The following PGS1 variants were observed in gnomAD, a reference collection of about 807,000 sequenced individuals.
The protein encoded by PGS1 is phosphatidylglycerophosphate synthase 1.
PGS1 carries 44 observed loss-of-function variants against 58.3 expected under a neutral mutation model. That is an observed-to-expected ratio of 0.75 (90% CI 0.59 to 0.97). The LOEUF is 0.97. PGS1 is among the 50% of genes least tolerant of loss of function. PGS1 has a pLI of 0.00. For missense variants in PGS1, 684 were observed against 731.1 expected, an observed-to-expected ratio of 0.94 and a Z score of 0.74; for synonymous variants, 330 against 311.0, an observed-to-expected ratio of 1.06 and a Z score of -0.64.
intron 1 of PGS1, among the ~76,000 whole-genome samples, chr17:78,391,349 G>T (rs930359009): frequency 2.0e-5 from 3 of 152,124 alleles, no homozygotes; most frequent in African/African-American, 4.8e-5. Flanking sequence ...ACAGGGTCTC[G>T]CTGTGCCACC....
intron 1 of PGS1, 121 bp from the exon 2 acceptor site, chr17:78,392,355 C>G (rs1332082153): frequency 3.2e-6 from 2 of 619,168 alleles, no homozygotes; most frequent in Non-Finnish European, 5.6e-6. Context: ...ATCTGACATT[C>G]ATAACACAAG....
At chr17:78,406,325 G>GAA (rs965429225) in intron 7 of PGS1, among the ~76,000 whole-genome samples, 1 of 147,854 alleles carries the variant, frequency 6.8e-6, no homozygotes, top group Non-Finnish European at 1.5e-5. Context: ...CTCAAAAAAA[G>GAA]AAAAAAAAAA....
chr17:78,419,403 C>T, intron 8 of PGS1, 143 bp from the exon 9 acceptor site: 1 of 705,466 alleles, frequency 1.4e-6, no homozygotes, highest in Non-Finnish European at 2.5e-6. Flanking sequence ...GCCACCAGAG[C>T]ACCCTGGGAA....
chr17:78,398,466 C>G, intron 4 of PGS1, 115 bp downstream of exon 4: 1 of 747,726 alleles, frequency 1.3e-6, no homozygotes, highest in Non-Finnish European at 2.3e-6. Context: ...TGAAGATCAT[C>G]CAAGCTGGCC....
intron 1 of PGS1, among the ~76,000 whole-genome samples, chr17:78,382,953 G>T (rs901823762): frequency 2.6e-5 from 4 of 151,830 alleles, no homozygotes; most frequent in African/African-American, 7.3e-5. Flanking sequence ...CCCACAGAAT[G>T]GCCTTGTTAC....
At chr17:78,423,273 A>AG (rs2086097149) in intron 9 of PGS1, among the ~76,000 whole-genome samples, 1 of 152,064 alleles carries the variant, frequency 6.6e-6, no homozygotes, top group Non-Finnish European at 1.5e-5. Flanking sequence ...GTCCTGCATC[A>AG]GCCCAGCCAC....
intron 3 of PGS1, 29 bp downstream of exon 3, chr17:78,396,414 A>T (rs1340791335): frequency 1.5e-5 from 22 of 1,515,068 alleles, no homozygotes; most frequent in Non-Finnish European, 2.0e-5. Flanking sequence ...TGGTTGTGGC[A>T]GCAATAGTGA....
chr17:78,399,851 G>A, intron 5 of PGS1: 1 of 359,848 alleles, frequency 2.8e-6, no homozygotes, highest in Non-Finnish European at 5.2e-6. Flanking sequence ...GATCAGAGAG[G>A]ATGAGTCACT....
chr17:78,421,741 G>A (rs1482520787), intron 9 of PGS1: 2 of 152,122 alleles, frequency 1.3e-5, no homozygotes, highest in African/African-American at 4.8e-5. Context: ...GCCACAGCCA[G>A]GCTTAAGCAA....
chr17:78,408,982 C>T (rs1051652398), intron 7 of PGS1, among the ~76,000 whole-genome samples: 1 of 152,220 alleles, frequency 6.6e-6, no homozygotes, highest in African/African-American at 2.4e-5. Context: ...AGCAGCCCGG[C>T]CTTGTCAGCC....
chr17:78,419,728 G>T, intron 9 of PGS1, 53 bp downstream of exon 9: 1 of 1,603,650 alleles, frequency 6.2e-7, no homozygotes, highest in South Asian at 1.1e-5. Context: ...GTTCACAGGT[G>T]GGGCAGGTGG....
intron 1 of PGS1, among the ~76,000 whole-genome samples, chr17:78,387,526 T>C (rs59249646): frequency 0.038 from 5,802 of 151,258 alleles, 403 homozygotes; most frequent in African/African-American, 0.13. Flanking sequence ...CTTGAACTCC[T>C]GACCTCAGGT....
chr17:78,397,332 G>C (rs4969184), intron 3 of PGS1, among the ~76,000 whole-genome samples: 1 of 133,918 alleles, frequency 7.5e-6, no homozygotes, highest in Non-Finnish European at 1.7e-5. Flanking sequence ...TTCTTGGTCT[G>C]TCCTTGTTCA....
chr17:78,401,058 G>C (rs779362820), intron 6 of PGS1, among the ~76,000 whole-genome samples: 10 of 152,136 alleles, frequency 6.6e-5, no homozygotes, highest in Non-Finnish European at 1.3e-4. Context: ...GCCCAGAAAG[G>C]TGGGAGCTTG....
Position 78,404,055 on chromosome 17 carries a change from G to A in PGS1, c.1368G>A (p.Glu456=). The A allele has an allele frequency of 1.9e-6, 3 of 1,602,372 alleles. 1 individual carries two copies. Among genetic ancestry groups the A allele is most frequent in the Middle Eastern group, 3.3e-4 (2 of 6,026 alleles). Residue 456 remains glutamate (E), a synonymous_variant, in exon 7 of 10, where the codon GAG becomes GAA. Transcript: ENST00000262764. ...AGCAGGAGCGGGTCCAGCTTCAGGA[G>A]TACTGGCGGAGGGGCTGGACGTTCC... is the stretch of plus-strand genomic sequence containing the variant. ...LGQQERVQLQ[E]YWRRGWTFHA...
chr17:78,391,611 G>T (rs557151247), intron 1 of PGS1, among the ~76,000 whole-genome samples: 1 of 152,104 alleles, frequency 6.6e-6, no homozygotes, highest in South Asian at 2.1e-4. Context: ...CCAAGTAGCT[G>T]GGACTACAGT....
intron 1 of PGS1, among the ~76,000 whole-genome samples, chr17:78,385,560 A>T (rs565575469): frequency 4.6e-5 from 7 of 152,262 alleles, no homozygotes; most frequent in African/African-American, 1.7e-4. Flanking sequence ...AAGTGTTGGG[A>T]TTACAGGCGT....
intron 5 of PGS1, chr17:78,399,830 A>T (rs1042597614): frequency 4.5e-6 from 2 of 440,080 alleles, no homozygotes; most frequent in Non-Finnish European, 4.2e-6. Context: ...CACTGTGTAC[A>T]TGTGGAAACA....
chr17:78,406,186 C>T (rs551645999), intron 7 of PGS1, among the ~76,000 whole-genome samples: 8 of 152,150 alleles, frequency 5.3e-5, no homozygotes, highest in South Asian at 2.1e-4. Context: ...GGCGTGGTGG[C>T]GGGCGCCTGT....
Sources: gnomAD v4.1 joint callset for allele counts (sites outside exome capture counted in the v4.1 genomes callset) on GRCh38, gnomAD v4.1.1 for gene constraint, MANE v1.5 for transcripts, NCBI Gene and HGNC (gene_info 2026-07-23, HGNC 2026-07-21) for gene names.